ARPP21: variants seen among roughly 807,000 people sequenced by gnomAD.
The protein encoded by ARPP21 is cAMP-regulated phosphoprotein 21.
Under a neutral mutation model 113.2 loss-of-function variants are expected in ARPP21, and 69 were observed. The observed-to-expected ratio is 0.61, with a 90% CI of 0.50 to 0.74. ARPP21 has a LOEUF of 0.74. Ranked by LOEUF, ARPP21 falls within the 30% of genes least tolerant of loss-of-function variation. The pLI is 0.00. For synonymous variants in ARPP21, 368 were observed against 375.5 expected (o/e 0.98, Z 0.23); for missense variants, 1,070 against 1,037.4 (o/e 1.03, Z -0.43).
Position 35,748,067 on chromosome 3 carries a change from GAAGAAAGAAAGAAAGAAAGA to G in ARPP21, c.2137+4128_2137+4147del, listed in dbSNP as rs71622571. Among the ~76,000 whole-genome samples, 460 of 86,950 alleles carry G rather than the reference GAAGAAAGAAAGAAAGAAAGA, an allele frequency of 5.3e-3. 3 individuals carry two copies. The highest frequency in any genetic ancestry group is 6.7e-3 in the Non-Finnish European group (295 of 44,320). The allele number at this position is 86,950 out of a possible 152,430, so 57.0% of individuals were successfully genotyped here. ...GAGAGAAAGAAAAGGAAGAAGGAAG[GAAGAAAGAAAGAAAGAAAGA>G]AAGAAAGAAAGAAAGAAAGAAAGAA... On this transcript the variant is annotated intron_variant, in intron 19 of 20. Coordinates refer to ENST00000684406, the MANE Select transcript of ARPP21 (RefSeq NM_001385562.1).
chr3:35,719,778 A>G (rs1025507644), intron 13 of ARPP21, among the ~76,000 whole-genome samples: 1 of 152,348 alleles, frequency 6.6e-6, no homozygotes, highest in East Asian at 1.9e-4. Flanking sequence ...ATGTTTTTCT[A>G]TAATAAATAT....
At chr3:35,700,386 GA>G (rs1305984871) in intron 9 of ARPP21, among the ~76,000 whole-genome samples, 1 of 151,608 alleles carries the variant, frequency 6.6e-6, no homozygotes, top group Non-Finnish European at 1.5e-5. Context: ...TTTATATAAA[GA>G]AATTAGGTTA....
Position 35,749,087 on chromosome 3 carries a change from T to C in ARPP21, c.2137+5122T>C, listed in dbSNP as rs148848314. ...ATGGATGATTGCATAAAAACTGGCA[T>C]GTGAGAAATAAACCAGCATGCCCAT... is the stretch of plus-strand genomic sequence containing the variant. On this transcript the variant is annotated intron_variant, in intron 19 of 20. Transcript: ENST00000684406. Among the ~76,000 whole-genome samples, 646 of 152,334 alleles carry C rather than the reference T, an allele frequency of 4.2e-3. 3 individuals are homozygous for C. Among genetic ancestry groups the C allele is most frequent in the Non-Finnish European group, 6.5e-3 (443 of 68,026 alleles).
At position 35,729,482 on chromosome 3, in the gene ARPP21, C is replaced by T; in HGVS notation, c.1405C>T (p.Leu469Phe). 1.2e-6 allele frequency: 2 copies of T among 1,614,242 alleles called. No homozygotes were observed. The highest frequency in any genetic ancestry group is 1.7e-6 in the Non-Finnish European group (2 of 1,180,054). ...CAGCACCAGCTACATCCTCCTTCCA[C>T]TTGAAGCTGCAACAGGCATCCCGCC... is the stretch of plus-strand genomic sequence containing the variant. ...PSSTSYILLP[L>F]EAATGIPPGS... Residue 469 changes from leucine (L) to phenylalanine (F), a missense_variant, in exon 15 of 21, where the codon CTT (leucine) becomes TTT (phenylalanine). Coordinates refer to ENST00000684406, the MANE Select transcript of ARPP21 (RefSeq NM_001385562.1).
chr3:35,709,114 C>T (rs755156934), intron 11 of ARPP21, 44 bp downstream of exon 11: 2 of 1,336,696 alleles, frequency 1.5e-6, no homozygotes, highest in Non-Finnish European at 2.1e-6. Flanking sequence ...CTCCTTCCAA[C>T]AGCAGTAAGG....
At chr3:35,776,731 A>G (rs2096380941) in intron 19 of ARPP21, among the ~76,000 whole-genome samples, 1 of 152,128 alleles carries the variant, frequency 6.6e-6, no homozygotes, top group African/African-American at 2.4e-5. Context: ...ACTTGGTGAC[A>G]CATATGGAGT....
intron 9 of ARPP21, among the ~76,000 whole-genome samples, chr3:35,706,053 A>G (rs905571145): frequency 6.6e-6 from 1 of 152,206 alleles, no homozygotes; most frequent in African/African-American, 2.4e-5. Flanking sequence ...AGCATAATGA[A>G]CGCTGTAGGG....
intron 1 of ARPP21, among the ~76,000 whole-genome samples, chr3:35,667,321 T>C (rs551646246): frequency 6.6e-6 from 1 of 152,336 alleles, no homozygotes; most frequent in African/African-American, 2.4e-5. Context: ...TTTGTGGTAG[T>C]GATAATGATA....
chr3:35,695,044 A>T (rs2083442125), intron 9 of ARPP21, among the ~76,000 whole-genome samples: 1 of 150,802 alleles, frequency 6.6e-6, no homozygotes, highest in South Asian at 2.1e-4. Context: ...TTTTTCTAAG[A>T]ATGAAAAAGC....
chr3:35,725,792 C>G (rs2150383705), intron 14 of ARPP21, among the ~76,000 whole-genome samples: 1 of 152,274 alleles, frequency 6.6e-6, no homozygotes, highest in South Asian at 2.1e-4. Flanking sequence ...TCTTTTTTCT[C>G]CTCCCTGTGG....
At chr3:35,725,915 G>A (rs1039837466) in intron 14 of ARPP21, among the ~76,000 whole-genome samples, 25 of 152,122 alleles carry the variant, frequency 1.6e-4, no homozygotes, top group African/African-American at 5.1e-4. Flanking sequence ...CCTGGCCCCC[G>A]TCTGTGCCTT....
chr3:35,748,092 A>AAG (rs529413992), intron 19 of ARPP21, among the ~76,000 whole-genome samples: 3,379 of 133,538 alleles, frequency 0.025, 57 homozygotes, highest in Non-Finnish European at 0.037. Flanking sequence ...GAAAGAAAGA[A>AAG]AGAAAGAAAG....
Position 35,754,612 on chromosome 3 carries a change from A to G in ARPP21, c.2137+10647A>G, listed in dbSNP as rs536722024. Among the ~76,000 whole-genome samples the G allele has an allele frequency of 1.6e-3, 245 of 152,164 alleles. 1 individual carries two copies. The highest frequency in any genetic ancestry group is 5.3e-3 in the African/African-American group (219 of 41,564). Reference sequence around the variant, plus strand: ...GTATAACACTGGGATTAAGAGAAAAATTAACATTATTAAGAGAAATAATAA... The same window carrying G: ...GTATAACACTGGGATTAAGAGAAAAGTTAACATTATTAAGAGAAATAATAA... On this transcript the variant is annotated intron_variant, in intron 19 of 20. Transcript: ENST00000684406.
At chr3:35,737,723 C>T (rs527278299) in intron 16 of ARPP21, among the ~76,000 whole-genome samples, 20 of 152,262 alleles carry the variant, frequency 1.3e-4, no homozygotes, top group African/African-American at 4.6e-4. Flanking sequence ...ATCAAATGCT[C>T]ATGTCTGCAA....
intron 9 of ARPP21, among the ~76,000 whole-genome samples, chr3:35,694,149 A>G (rs2083096287): frequency 6.6e-6 from 1 of 151,552 alleles, no homozygotes; most frequent in Admixed American, 6.6e-5. Flanking sequence ...GTAACTATAG[A>G]ATGTGACTTG....
At chr3:35,692,872 A>G (rs1165063737) in intron 9 of ARPP21, among the ~76,000 whole-genome samples, 3 of 151,740 alleles carry the variant, frequency 2.0e-5, no homozygotes, top group Admixed American at 1.3e-4. Flanking sequence ...TAGAGCAGAT[A>G]TGGAACACTG....
At chr3:35,755,912 G>A (rs1213883428) in intron 19 of ARPP21, among the ~76,000 whole-genome samples, 2 of 152,108 alleles carry the variant, frequency 1.3e-5, no homozygotes, top group Non-Finnish European at 2.9e-5. Context: ...ATAGAAAGCA[G>A]TTTGCAAATT....
chr3:35,674,164 C>G (rs546511300), intron 1 of ARPP21, among the ~76,000 whole-genome samples: 2 of 152,006 alleles, frequency 1.3e-5, no homozygotes, highest in East Asian at 3.9e-4. Context: ...AATGCCCAAA[C>G]AAGAGTATCA....
chr3:35,716,163 G>A lies in ARPP21; in HGVS notation c.935+687G>A, dbSNP rs967557943. ...TCTAAATTGACATATATATTAAAAT[G>A]CCCCATTGATTTAATTGCGGATACT... On this transcript the variant is annotated intron_variant, in intron 12 of 20. Transcript: ENST00000684406. 1.1e-4 allele frequency among the ~76,000 whole-genome samples: 17 copies of A among 152,052 alleles called. No individual in the cohort carries two copies. The East Asian group carries it at 3.3e-3, about 29-fold the overall frequency.
Sources: allele counts gnomAD v4.1 joint callset (sites outside exome capture counted in the v4.1 genomes callset), GRCh38; gene constraint gnomAD v4.1.1; transcripts MANE v1.5; gene names NCBI Gene and HGNC (gene_info 2026-07-23, HGNC 2026-07-21).